LARP4B: variants seen among roughly 807,000 people sequenced by gnomAD.
The protein encoded by LARP4B is La ribonucleoprotein 4B, also known as la-related protein 4B.
Under a neutral mutation model 89.8 loss-of-function variants are expected in LARP4B, and 12 were observed. The ratio of observed to expected loss-of-function variants is 0.13; its 90% confidence interval spans 0.09 to 0.22. The LOEUF (loss-of-function observed/expected upper bound fraction) is 0.22. LARP4B is among the 10% of genes least tolerant of loss of function. The pLI is 1.00. For missense variants in LARP4B, 757 were observed against 947.7 expected, an observed-to-expected ratio of 0.80 and a Z score of 2.64; for synonymous variants, 367 against 363.3, an observed-to-expected ratio of 1.01 and a Z score of -0.12.
Position 815,032 on chromosome 10 carries a change from T to C in LARP4B, c.1734A>G (p.Val578=), listed in dbSNP as rs1831959620. Residue 578 remains valine, a synonymous_variant, in exon 16 of 18, where the codon GTA becomes GTG. Coordinates refer to ENST00000316157, the MANE Select transcript of LARP4B (RefSeq NM_015155.3). ...GCACCGAGGGCTCTCTGGAGACCAC[T>C]ACAGGAAGGGTGTTCACGCTTGCGT... is the stretch of plus-strand genomic sequence containing the variant. ...SADASVNTLP[V]VVSREPSVPA... 1 of 1,605,876 alleles carries C rather than the reference T, an allele frequency of 6.2e-7. No individual in the cohort carries two copies.
At chr10:954,481 C>G in the LARP4B span, among the ~76,000 whole-genome samples, 1 of 152,120 alleles carries the variant, frequency 6.6e-6, no homozygotes, top group Non-Finnish European at 1.5e-5. This position sits in a 1 kb window ranked among gnomAD's most constrained non-coding sequence, Gnocchi z 5.0. Flanking sequence ...GGTAGCTGGG[C>G]TCATTCAGAC....
At chr10:950,848 T>G in the LARP4B span, among the ~76,000 whole-genome samples, 1 of 152,144 alleles carries the variant, frequency 6.6e-6, no homozygotes, top group East Asian at 1.9e-4. Flanking sequence ...TATCCTGTGA[T>G]CCTGATGAAC....
At chr10:977,115 G>A in the LARP4B span, among the ~76,000 whole-genome samples, 477 of 152,252 alleles carry the variant, frequency 3.1e-3, 4 homozygotes, top group African/African-American at 0.01. Context: ...CTACCATAAG[G>A]TATTTAAATA....
chr10:869,945 AT>A lies in LARP4B; in HGVS notation c.142-5676del, dbSNP rs1416807276. On this transcript the variant is annotated intron_variant, in intron 3 of 17. Transcript: ENST00000316157. ...AATAATAATAATAATAATAATAATA[AT>A]AATAAATTAAAATGTATAGCCCAGC... 9.7e-4 allele frequency: 177 copies of A among 183,160 alleles called. 2 individuals are homozygous for A. The highest frequency in any genetic ancestry group is 5.5e-3 in the South Asian group (31 of 5,608). 11.3% of individuals were successfully genotyped at this position (183,160 alleles called of 1,614,324 possible).
intron 1 of LARP4B, among the ~76,000 whole-genome samples, chr10:890,782 T>C (rs1321437071): frequency 3.9e-5 from 6 of 152,164 alleles, no homozygotes; most frequent in South Asian, 2.1e-4. Flanking sequence ...CCAGGTGATG[T>C]TGAAGTAACA....
At chr10:824,703 T>C (rs1832532456) in intron 13 of LARP4B, among the ~76,000 whole-genome samples, 2 of 152,210 alleles carry the variant, frequency 1.3e-5, no homozygotes, top group South Asian at 4.1e-4. Context: ...CACACCCAGC[T>C]GGAGGGCGCC....
the LARP4B span, among the ~76,000 whole-genome samples, chr10:956,851 G>A: frequency 6.6e-6 from 1 of 152,166 alleles, no homozygotes; most frequent in Non-Finnish European, 1.5e-5. The surrounding 1 kb of genome is among the most constrained non-coding windows in gnomAD (Gnocchi z 4.3). Flanking sequence ...GGGGTCAGGA[G>A]AAGGGTAAAG....
chr10:947,272 A>G, the LARP4B span, among the ~76,000 whole-genome samples: 7 of 152,106 alleles, frequency 4.6e-5, no homozygotes, highest in African/African-American at 7.2e-5. Context: ...GTTCTTGCCA[A>G]CAAACAAACA....
chr10:964,912 C>G, the LARP4B span, among the ~76,000 whole-genome samples: 9 of 152,158 alleles, frequency 5.9e-5, no homozygotes, highest in South Asian at 2.1e-4. Context: ...GGGGCCAGGC[C>G]CCACCAGGAG....
At chr10:885,555 G>C (rs1490892634) in intron 2 of LARP4B, 86 bp downstream of exon 2, 7 of 914,892 alleles carry the variant, frequency 7.7e-6, no homozygotes, top group Middle Eastern at 2.3e-4. Flanking sequence ...CAGTGTTCCT[G>C]TTTAGAACTC....
At chr10:974,363 C>T in the LARP4B span, among the ~76,000 whole-genome samples, 1 of 152,180 alleles carries the variant, frequency 6.6e-6, no homozygotes, top group Non-Finnish European at 1.5e-5. Context: ...TTTCTCCAGA[C>T]AATGCTGAGC....
At chr10:836,918 A>C (rs1050127228) in intron 7 of LARP4B, among the ~76,000 whole-genome samples, 8 of 152,214 alleles carry the variant, frequency 5.3e-5, no homozygotes, top group Non-Finnish European at 1.0e-4. Context: ...CTGCAGTAAT[A>C]GGCCTAATTT....
chr10:976,908 T>C, the LARP4B span, among the ~76,000 whole-genome samples: 1 of 150,520 alleles, frequency 6.6e-6, no homozygotes, highest in South Asian at 2.1e-4. Flanking sequence ...TAGTAGAAGG[T>C]AGGCCTGTCA....
At chr10:903,412 T>A (rs1836397009) in intron 1 of LARP4B, 1 of 152,254 alleles carries the variant, frequency 6.6e-6, no homozygotes. Flanking sequence ...AGGAATTGCA[T>A]ATATAAACTT....
At chr10:852,688 C>A (rs1039982526) in intron 5 of LARP4B, among the ~76,000 whole-genome samples, 60 of 152,218 alleles carry the variant, frequency 3.9e-4, no homozygotes, top group African/African-American at 1.3e-3. Flanking sequence ...GTAAAACAGT[C>A]TTCATTCTAA....
intron 8 of LARP4B, 152 bp from the exon 9 acceptor site, chr10:831,129 G>T: frequency 4.2e-6 from 2 of 476,876 alleles, no homozygotes; most frequent in East Asian, 3.7e-5. Flanking sequence ...AAAAGGATGA[G>T]GGTTCAGCAG....
At chr10:981,192 ACCTCAGCAGC>A in the LARP4B span, among the ~76,000 whole-genome samples, 1 of 152,196 alleles carries the variant, frequency 6.6e-6, no homozygotes, top group Non-Finnish European at 1.5e-5. Context: ...TCTATCTGAG[ACCTCAGCAGC>A]CTGGACTTCA....
chr10:833,249 TAAAAAAAAAAAAAAAAAAAAAA>T (rs56788542), intron 8 of LARP4B, among the ~76,000 whole-genome samples: 2 of 52,038 alleles, frequency 3.8e-5, no homozygotes, highest in East Asian at 1.2e-3. Context: ...TGATGAGCTT[TAAAAAAAAAAAAAAAAAAAAAA>T]AAAAAAAAAA....
At chr10:858,744 C>A (rs1834434089) in intron 5 of LARP4B, among the ~76,000 whole-genome samples, 1 of 152,058 alleles carries the variant, frequency 6.6e-6, no homozygotes, top group Non-Finnish European at 1.5e-5. Flanking sequence ...GACATTTATC[C>A]AAAGAAGACA....
Sources: allele counts gnomAD v4.1 joint callset (sites outside exome capture counted in the v4.1 genomes callset), GRCh38; gene constraint gnomAD v4.1.1; non-coding constraint Gnocchi (gnomAD v3.1); transcripts MANE v1.5; gene names NCBI Gene and HGNC (gene_info 2026-07-23, HGNC 2026-07-21).